The following CNTN5 variants were observed in gnomAD, a reference collection of about 807,000 sequenced individuals.
The protein encoded by CNTN5 is contactin-5.
In CNTN5, 77 loss-of-function variants were observed where a neutral mutation model predicts 129.1. That is an observed-to-expected ratio of 0.60 (90% CI 0.50 to 0.72). CNTN5 has a LOEUF of 0.72. Ranked by LOEUF, CNTN5 falls within the 30% of genes least tolerant of loss-of-function variation. The pLI is 0.00. For missense variants in CNTN5, 1,478 were observed against 1,328.8 expected, an observed-to-expected ratio of 1.11 and a Z score of -1.75; for synonymous variants, 509 against 465.6, an observed-to-expected ratio of 1.09 and a Z score of -1.20.
chr11:100,282,687 G>A (rs988543552), intron 18 of CNTN5, among the ~76,000 whole-genome samples: 1 of 152,206 alleles, frequency 6.6e-6, no homozygotes, highest in African/African-American at 2.4e-5. Context: ...AGTTCCCCTA[G>A]GGCCTAGGCG....
intron 1 of CNTN5, among the ~76,000 whole-genome samples, chr11:99,150,830 G>T (rs1047797758): frequency 3.3e-5 from 5 of 151,954 alleles, no homozygotes; most frequent in Non-Finnish European, 7.4e-5. Flanking sequence ...ATATCCCTAA[G>T]CCTAGTCATG....
chr11:99,788,936 G>C (rs183068475), intron 3 of CNTN5, among the ~76,000 whole-genome samples: 19 of 151,608 alleles, frequency 1.3e-4, no homozygotes, highest in Non-Finnish European at 5.9e-5. Context: ...CTGAAAAAAC[G>C]TTTCCAATAA....
intron 1 of CNTN5, among the ~76,000 whole-genome samples, chr11:99,176,863 A>T (rs1857798212): frequency 6.6e-6 from 1 of 152,136 alleles, no homozygotes; most frequent in South Asian, 2.1e-4. Flanking sequence ...CCTCTGCTTA[A>T]ATTCTTCAGT....
chr11:99,817,599 T>TG (rs1946632041), intron 3 of CNTN5, among the ~76,000 whole-genome samples: 1 of 79,170 alleles, frequency 1.3e-5, no homozygotes, highest in African/African-American at 4.5e-5. Context: ...TGGGATAGTT[T>TG]TTTTTTTTTT....
At chr11:99,793,385 C>G (rs1391453883) in intron 3 of CNTN5, among the ~76,000 whole-genome samples, 2 of 136,556 alleles carry the variant, frequency 1.5e-5, no homozygotes, top group South Asian at 2.7e-4. Flanking sequence ...TTAAAATAAT[C>G]AGCTTCTGGG....
chr11:99,902,068 A>G (rs1021234769), intron 6 of CNTN5, among the ~76,000 whole-genome samples: 1 of 152,272 alleles, frequency 6.6e-6, no homozygotes, highest in Non-Finnish European at 1.5e-5. Context: ...GCTTTTATAC[A>G]TTGCAGATGT....
intron 1 of CNTN5, among the ~76,000 whole-genome samples, chr11:99,194,373 A>G (rs1531408): frequency 0.95 from 144,109 of 152,184 alleles, 68,292 homozygotes; most frequent in East Asian, 1. Flanking sequence ...TGAAAATGCA[A>G]ATTACCTGTA....
At chr11:99,116,936 G>A (rs1470440971) in intron 1 of CNTN5, among the ~76,000 whole-genome samples, 1 of 152,144 alleles carries the variant, frequency 6.6e-6, no homozygotes, top group African/African-American at 2.4e-5. Flanking sequence ...GATGTAATTT[G>A]AGAGTCAATA....
intron 1 of CNTN5, among the ~76,000 whole-genome samples, chr11:99,066,875 G>A (rs1011450109): frequency 6.6e-6 from 1 of 152,044 alleles, no homozygotes; most frequent in Non-Finnish European, 1.5e-5. Context: ...CTCTTTTGAT[G>A]GTGACTGCGA....
chr11:99,957,078 G>GC, intron 8 of CNTN5, 69 bp downstream of exon 8: 1 of 1,149,866 alleles, frequency 8.7e-7, no homozygotes. Context: ...ATTAGTGTGT[G>GC]TTTTTTTTTT....
intron 8 of CNTN5, among the ~76,000 whole-genome samples, chr11:99,976,290 T>C (rs1937965214): frequency 6.6e-6 from 1 of 152,334 alleles, no homozygotes; most frequent in Admixed American, 6.5e-5. Context: ...GCAGCTTTTC[T>C]AAGCACATGG....
chr11:100,247,780 ATAT>A (rs1432558730), intron 16 of CNTN5, among the ~76,000 whole-genome samples: 1 of 138,154 alleles, frequency 7.2e-6, no homozygotes, highest in Non-Finnish European at 1.6e-5. Context: ...ACATTATTAA[ATAT>A]TATTTTTTAT....
Position 99,744,543 on chromosome 11 carries a change from T to TA in CNTN5, c.56-74971dup, listed in dbSNP as rs553540845. On this transcript the variant is annotated intron_variant, in intron 3 of 24. Transcript: ENST00000524871. ...GCAAAACCCCGTCTCTACAAAAAGT[T>TA]AAAAAAAAAAAAAAAAAAAAAAAAA... Among the ~76,000 whole-genome samples the TA allele has an allele frequency of 8.8e-3, 331 of 37,498 alleles. 11 individuals are homozygous for TA. Among genetic ancestry groups the TA allele is most frequent in the Middle Eastern group, 0.023 (1 of 44 alleles). The allele number at this position is 37,498 out of a possible 152,430, so 24.6% of individuals were successfully genotyped here. A position where few individuals can be genotyped will look rare whatever the true frequency, so the allele number is the denominator to read the frequency against.
chr11:100,214,922 C>T (rs976484691), intron 15 of CNTN5, among the ~76,000 whole-genome samples: 2 of 152,178 alleles, frequency 1.3e-5, no homozygotes, highest in African/African-American at 2.4e-5. Context: ...GCTAAGCCTT[C>T]AGCTGGGGTA....
intron 1 of CNTN5, chr11:99,120,038 CAT>C (rs1415660827): frequency 6.6e-6 from 1 of 151,616 alleles, no homozygotes; most frequent in Non-Finnish European, 1.5e-5. Context: ...TTGTCAGATG[CAT>C]AGTTTGAAAA....
intron 2 of CNTN5, among the ~76,000 whole-genome samples, chr11:99,441,750 T>C (rs1943836870): frequency 6.6e-6 from 1 of 152,228 alleles, no homozygotes; most frequent in Admixed American, 6.5e-5. Context: ...TTGGCCATAT[T>C]AGTAACTCTA....
intron 1 of CNTN5, among the ~76,000 whole-genome samples, chr11:99,277,510 T>C (rs17133375): frequency 6.6e-6 from 1 of 151,716 alleles, no homozygotes; most frequent in Non-Finnish European, 1.5e-5. Context: ...CAGTGACAGC[T>C]TGTTGTTTTA....
At chr11:99,647,584 A>G (rs1952012984) in intron 3 of CNTN5, among the ~76,000 whole-genome samples, 1 of 151,888 alleles carries the variant, frequency 6.6e-6, no homozygotes, top group Non-Finnish European at 1.5e-5. Context: ...TATCATTTGT[A>G]TTTTGATAGA....
chr11:99,836,316 T>C (rs573008857), intron 4 of CNTN5, among the ~76,000 whole-genome samples: 12 of 86,050 alleles, frequency 1.4e-4, no homozygotes, highest in African/African-American at 5.6e-4. Flanking sequence ...CGACAGGCCC[T>C]GGTGTGTGAT....
Sources: gnomAD v4.1 joint callset for allele counts (sites outside exome capture counted in the v4.1 genomes callset) on GRCh38, gnomAD v4.1.1 for gene constraint, MANE v1.5 for transcripts, NCBI Gene and HGNC (gene_info 2026-07-23, HGNC 2026-07-21) for gene names.